The following GNAQ variants were observed in gnomAD, a reference collection of about 807,000 sequenced individuals.
GNAQ encodes guanine nucleotide-binding protein G(q) subunit alpha.
GNAQ carries 8 observed loss-of-function variants against 43.9 expected under a neutral mutation model. That is an observed-to-expected ratio of 0.18 (90% confidence interval 0.11 to 0.33). The LOEUF (loss-of-function observed/expected upper bound fraction) is 0.33. Ranked by LOEUF, GNAQ falls within the 10% of genes least tolerant of loss-of-function variation. The probability of loss-of-function intolerance (pLI) is 1.00; values close to 1 mark genes in which losing one functional copy is unlikely to be tolerated. For synonymous variants in GNAQ, 155 were observed against 170.7 expected (o/e 0.91, Z 0.71); for missense variants, 158 against 450.8 (o/e 0.35, Z 5.88).
At chr9:77,966,094 C>CCCT (rs1328255928) in intron 1 of GNAQ, among the ~76,000 whole-genome samples, 16 of 152,024 alleles carry the variant, frequency 1.1e-4, no homozygotes, top group Non-Finnish European at 2.2e-4. Context: ...ACTGTATGTT[C>CCCT]CCTCAGGTGT....
chr9:77,995,028 T>C (rs529146883), intron 1 of GNAQ, among the ~76,000 whole-genome samples: 1 of 152,360 alleles, frequency 6.6e-6, no homozygotes, highest in South Asian at 2.1e-4. Context: ...GTCACTGATA[T>C]ATGGGCTATG....
Position 77,902,823 on chromosome 9 carries a change from G to A in GNAQ, c.321+19338C>T, listed in dbSNP as rs189113385. 2.6e-4 allele frequency among the ~76,000 whole-genome samples: 40 copies of A among 152,286 alleles called. No homozygotes were observed. In the East Asian group the frequency reaches 7.5e-3, roughly 29 times the overall value. ...TGCAACTGCTTCCCAATCAGCCAGT[G>A]CAGCTTTCTTAACCATAAGCTATGG... On this transcript the variant is annotated intron_variant, in intron 2 of 6. Coordinates refer to ENST00000286548, the MANE Select transcript of GNAQ (RefSeq NM_002072.5).
intron 2 of GNAQ, among the ~76,000 whole-genome samples, chr9:77,845,229 C>T (rs1177684993): frequency 1.3e-5 from 2 of 152,108 alleles, no homozygotes; most frequent in Non-Finnish European, 2.9e-5. Context: ...ATTTCTCTCT[C>T]CACTGGTAAT....
intron 2 of GNAQ, among the ~76,000 whole-genome samples, chr9:77,871,056 A>G (rs903583528): frequency 1.3e-5 from 2 of 152,216 alleles, no homozygotes; most frequent in African/African-American, 2.4e-5. Context: ...TACATTTGTC[A>G]TAACACCTCA....
At chr9:77,939,597 A>G (rs759785172) in intron 1 of GNAQ, among the ~76,000 whole-genome samples, 2 of 152,220 alleles carry the variant, frequency 1.3e-5, no homozygotes, top group Non-Finnish European at 2.9e-5. Flanking sequence ...TGAATAATAC[A>G]GAAAGCAAAG....
chr9:78,005,121 G>A (rs1823689887), intron 1 of GNAQ, among the ~76,000 whole-genome samples: 1 of 152,100 alleles, frequency 6.6e-6, no homozygotes, highest in Non-Finnish European at 1.5e-5. Flanking sequence ...GGGCAATCAT[G>A]ACTCACTGCA....
intron 1 of GNAQ, among the ~76,000 whole-genome samples, chr9:77,992,797 T>TAGCCA (rs1823524242): frequency 6.6e-6 from 1 of 151,790 alleles, no homozygotes; most frequent in South Asian, 2.1e-4. Context: ...ATACAAAAAT[T>TAGCCA]AGCCAAGTGT....
At chr9:77,760,275 T>C (rs1825975130) in intron 5 of GNAQ, among the ~76,000 whole-genome samples, 1 of 151,250 alleles carries the variant, frequency 6.6e-6, no homozygotes, top group Admixed American at 6.6e-5. Flanking sequence ...TGGACTGTAC[T>C]GCTGCCATCT....
At chr9:77,894,509 G>A (rs1331175772) in intron 2 of GNAQ, among the ~76,000 whole-genome samples, 2 of 149,594 alleles carry the variant, frequency 1.3e-5, no homozygotes, top group African/African-American at 4.9e-5. Context: ...TGCAACCTCT[G>A]CCTCCCAGGT....
chr9:77,814,120 G>C (rs1826973801), intron 3 of GNAQ, among the ~76,000 whole-genome samples: 1 of 152,114 alleles, frequency 6.6e-6, no homozygotes, highest in Non-Finnish European at 1.5e-5. Context: ...GAAACAGAAG[G>C]ACAGAGGGGG....
At chr9:78,025,629 A>C (rs762918984) in intron 1 of GNAQ, among the ~76,000 whole-genome samples, 1 of 152,328 alleles carries the variant, frequency 6.6e-6, no homozygotes, top group East Asian at 1.9e-4. Flanking sequence ...TCAACCCAAT[A>C]CAGAGGAAAC....
At chr9:77,728,403 T>A (rs1587886119) in intron 6 of GNAQ, 111 bp downstream of exon 6, 5 of 754,986 alleles carry the variant, frequency 6.6e-6, no homozygotes, top group African/African-American at 1.7e-5. Context: ...ACACGCAGGC[T>A]GCACAGGGCA....
At position 78,031,688 on chromosome 9, in the gene GNAQ, G is replaced by A. The variant is rs1316050811; in HGVS notation, c.-453C>T. Among the ~76,000 whole-genome samples the A allele has an allele frequency of 2.0e-5, 3 of 147,290 alleles. No individual in the cohort carries two copies. Among genetic ancestry groups the A allele is most frequent in the Non-Finnish European group, 4.5e-5 (3 of 66,172 alleles). On this transcript the variant is annotated 5_prime_UTR_variant, in exon 1 of 7. Coordinates refer to ENST00000286548, the MANE Select transcript of GNAQ (RefSeq NM_002072.5). ...GTCCCCGCAGCGAGCGGCCGCCGAC[G>A]GCTCCCCGCGCCCGGCGCGCCCGCT... is the stretch of plus-strand genomic sequence containing the variant.
chr9:77,968,753 G>A (rs1290996442), intron 1 of GNAQ, among the ~76,000 whole-genome samples: 1 of 152,198 alleles, frequency 6.6e-6, no homozygotes, highest in East Asian at 1.9e-4. Context: ...AGTGCCGTTT[G>A]CCAAAACAGA....
At chr9:77,996,857 A>G (rs1823576118) in intron 1 of GNAQ, among the ~76,000 whole-genome samples, 1 of 152,192 alleles carries the variant, frequency 6.6e-6, no homozygotes, top group Admixed American at 6.5e-5. Context: ...AAACTAACAA[A>G]TAAGCAGTAT....
chr9:77,895,762 G>C (rs555282508), intron 2 of GNAQ, among the ~76,000 whole-genome samples: 4 of 152,266 alleles, frequency 2.6e-5, no homozygotes, highest in South Asian at 4.1e-4. Flanking sequence ...GGAGATGACT[G>C]AATTATGAGG....
chr9:77,761,956 A>G (rs1826037845), intron 5 of GNAQ, among the ~76,000 whole-genome samples: 1 of 125,816 alleles, frequency 7.9e-6, no homozygotes, highest in Non-Finnish European at 1.7e-5. Flanking sequence ...TGCGGGGGTC[A>G]GCCCCCCGCC....
chr9:77,910,130 T>C (rs1828776124), intron 2 of GNAQ, among the ~76,000 whole-genome samples: 1 of 152,186 alleles, frequency 6.6e-6, no homozygotes, highest in African/African-American at 2.4e-5. Context: ...GCTATTAAAA[T>C]GAAGGAAACT....
intron 2 of GNAQ, among the ~76,000 whole-genome samples, chr9:77,853,786 A>C (rs1197261800): frequency 6.7e-6 from 1 of 150,186 alleles, no homozygotes; most frequent in Non-Finnish European, 1.5e-5. Context: ...AAAAAAAAAA[A>C]AAAAAAAAAA....
Sources: gnomAD v4.1 joint callset for allele counts (sites outside exome capture counted in the v4.1 genomes callset) on GRCh38, gnomAD v4.1.1 for gene constraint, MANE v1.5 for transcripts, NCBI Gene and HGNC (gene_info 2026-07-23, HGNC 2026-07-21) for gene names.